Variants in MAPKAP1 observed in about 807,000 individuals in gnomAD.
MAPKAP1 encodes the protein target of rapamycin complex 2 subunit MAPKAP1.
Under a neutral mutation model 65.7 loss-of-function variants are expected in MAPKAP1, and 20 were observed. The ratio of observed to expected loss-of-function variants is 0.30; its 90% CI spans 0.21 to 0.44. MAPKAP1 has a LOEUF of 0.44. Ranked by LOEUF, MAPKAP1 falls within the 20% of genes least tolerant of loss-of-function variation. MAPKAP1 has a pLI of 1.00. For synonymous variants in MAPKAP1, 222 were observed against 244.3 expected (o/e 0.91, Z 0.85); for missense variants, 423 against 648.0 (o/e 0.65, Z 3.77).
chr9:125,492,954 G>C (rs993568498), intron 8 of MAPKAP1, among the ~76,000 whole-genome samples: 4 of 152,192 alleles, frequency 2.6e-5, no homozygotes, highest in African/African-American at 9.7e-5. Flanking sequence ...GTTCCCAGAT[G>C]ATGAAAGGAG....
At chr9:125,573,096 AAGGGG>A (rs1831286865) in intron 5 of MAPKAP1, 1 of 7,428 alleles carries the variant, frequency 1.3e-4, no homozygotes, top group Non-Finnish European at 9.3e-4. Flanking sequence ...TCTCTTATAA[AAGGGG>A]GGGGGGGGGG....
At chr9:125,658,514 T>C (rs1834097350) in intron 3 of MAPKAP1, among the ~76,000 whole-genome samples, 1 of 152,224 alleles carries the variant, frequency 6.6e-6, no homozygotes, top group South Asian at 2.1e-4. Context: ...TAGAATATTT[T>C]GATTAGCCCT....
intron 8 of MAPKAP1, among the ~76,000 whole-genome samples, chr9:125,484,879 A>G (rs938620828): frequency 6.6e-6 from 1 of 152,116 alleles, no homozygotes; most frequent in Non-Finnish European, 1.5e-5. Flanking sequence ...AGTGAGTCAA[A>G]AGCACAAGAG....
chr9:125,601,939 T>C (rs1375231432), intron 4 of MAPKAP1, among the ~76,000 whole-genome samples: 1 of 152,230 alleles, frequency 6.6e-6, no homozygotes, highest in Non-Finnish European at 1.5e-5. Flanking sequence ...ATTGAGAAAG[T>C]CTGCATTTAA....
chr9:125,567,763 G>T (rs1831103976), intron 5 of MAPKAP1: 1 of 152,144 alleles, frequency 6.6e-6, no homozygotes, highest in African/African-American at 2.4e-5. Flanking sequence ...GGACTATAGT[G>T]AGAAAACCCT....
At chr9:125,542,380 G>A (rs1025912080) in intron 7 of MAPKAP1, among the ~76,000 whole-genome samples, 1 of 152,162 alleles carries the variant, frequency 6.6e-6, no homozygotes, top group Non-Finnish European at 1.5e-5. Context: ...ACAGAGCTAA[G>A]ATATTCAACA....
chr9:125,630,587 T>C (rs1202024083), intron 4 of MAPKAP1, among the ~76,000 whole-genome samples: 2 of 152,196 alleles, frequency 1.3e-5, no homozygotes, highest in African/African-American at 4.8e-5. Flanking sequence ...GCAGCAGCCC[T>C]GGTATGTCAA....
chr9:125,540,584 G>T (rs1272392924), intron 7 of MAPKAP1, among the ~76,000 whole-genome samples: 1 of 152,220 alleles, frequency 6.6e-6, no homozygotes, highest in African/African-American at 2.4e-5. Flanking sequence ...ACTCAATCAG[G>T]TAAAAGGGGT....
At chr9:125,632,582 T>C (rs945857028) in intron 4 of MAPKAP1, among the ~76,000 whole-genome samples, 2 of 152,234 alleles carry the variant, frequency 1.3e-5, no homozygotes, top group African/African-American at 4.8e-5. Flanking sequence ...CTGCATCTTA[T>C]GACTTAAGTG....
At chr9:125,571,926 C>T (rs1368682894) in intron 5 of MAPKAP1, among the ~76,000 whole-genome samples, 3 of 152,056 alleles carry the variant, frequency 2.0e-5, no homozygotes, top group Non-Finnish European at 2.9e-5. Flanking sequence ...GTCAAGGAAA[C>T]TTTTCATTTG....
At chr9:125,692,037 A>T (rs971789564) in intron 1 of MAPKAP1, among the ~76,000 whole-genome samples, 1 of 152,230 alleles carries the variant, frequency 6.6e-6, no homozygotes, top group African/African-American at 2.4e-5. Flanking sequence ...AGAAGCAGAA[A>T]GGAGGCTGAC....
chr9:125,511,225 G>A (rs1270247178), intron 7 of MAPKAP1, among the ~76,000 whole-genome samples: 1 of 151,904 alleles, frequency 6.6e-6, no homozygotes, highest in Non-Finnish European at 1.5e-5. Flanking sequence ...AATACTAAGT[G>A]ATCCTAACAG....
chr9:125,521,836 A>G lies in MAPKAP1; in HGVS notation c.959-15419T>C, dbSNP rs566121813. ...TTCAACCTTCTCTGAGCTACATGAA[A>G]GTGGTGACTCCAACCTGAGTCAGTG... On this transcript the variant is annotated intron_variant, in intron 7 of 11. Coordinates refer to ENST00000265960, the MANE Select transcript of MAPKAP1 (RefSeq NM_001006617.3). 3.9e-4 allele frequency: 579 copies of G among 1,476,900 alleles called. 2 individuals are homozygous for G. The African/African-American group carries it at 6.8e-3, about 17-fold the overall frequency. The allele number at this position is 1,476,900 out of a possible 1,614,324, so 91.5% of individuals were successfully genotyped here.
At chr9:125,689,949 ATTG>A (rs201624030) in intron 1 of MAPKAP1, among the ~76,000 whole-genome samples, 1,721 of 149,776 alleles carry the variant, frequency 0.011, 17 homozygotes, top group South Asian at 0.041. Context: ...TTAGTTGGGC[ATTG>A]TTGTAGGCGC....
At chr9:125,618,159 T>C (rs1056611736) in intron 4 of MAPKAP1, among the ~76,000 whole-genome samples, 4 of 151,624 alleles carry the variant, frequency 2.6e-5, no homozygotes, top group Non-Finnish European at 4.4e-5. Context: ...GTGGCCTACA[T>C]AGTGAAACCC....
chr9:125,682,999 C>T (rs886125277), intron 1 of MAPKAP1, among the ~76,000 whole-genome samples: 2 of 149,554 alleles, frequency 1.3e-5, no homozygotes, highest in African/African-American at 4.9e-5. Flanking sequence ...GCTCTTGTTG[C>T]CCAGGCTGGA....
intron 7 of MAPKAP1, among the ~76,000 whole-genome samples, chr9:125,536,540 T>C (rs1321185445): frequency 1.3e-5 from 2 of 152,226 alleles, no homozygotes; most frequent in Non-Finnish European, 2.9e-5. Context: ...CTGCAGAATT[T>C]ACTGCTTTTT....
intron 7 of MAPKAP1, 60 bp downstream of exon 7, chr9:125,542,999 A>G (rs770868796): frequency 9.1e-7 from 1 of 1,096,504 alleles, no homozygotes; most frequent in Non-Finnish European, 1.4e-6. Context: ...CACACCCCCT[A>G]TGCCCTTTTA....
At chr9:125,467,410 G>A (rs1853718887) in intron 10 of MAPKAP1, among the ~76,000 whole-genome samples, 1 of 152,244 alleles carries the variant, frequency 6.6e-6, no homozygotes, top group South Asian at 2.1e-4. Flanking sequence ...TTAAGCGGAG[G>A]AATGCCAACC....
Sources: gnomAD v4.1 joint callset for allele counts (sites outside exome capture counted in the v4.1 genomes callset) on GRCh38, gnomAD v4.1.1 for gene constraint, MANE v1.5 for transcripts, NCBI Gene and HGNC (gene_info 2026-07-23, HGNC 2026-07-21) for gene names.